Variants in ANKRD44 observed in about 807,000 individuals in gnomAD.
ANKRD44 encodes the protein ankyrin repeat domain 44, also known as serine/threonine-protein phosphatase 6 regulatory ankyrin repeat subunit B.
In ANKRD44, 35 loss-of-function variants were observed where a neutral mutation model predicts 116.0. That is an observed-to-expected ratio of 0.30 (90% CI 0.23 to 0.40). The LOEUF (loss-of-function observed/expected upper bound fraction) is 0.40. Among genes scored for constraint, ANKRD44 ranks in the 10% least tolerant of loss-of-function variants. The pLI, the probability that ANKRD44 is intolerant of heterozygous loss-of-function variation, is 1.00. For synonymous variants in ANKRD44, 435 were observed against 461.8 expected (o/e 0.94, Z 0.74); for missense variants, 1,014 against 1,242.6 (o/e 0.82, Z 2.77).
At chr2:197,167,103 C>G (rs547631193) in intron 2 of ANKRD44, among the ~76,000 whole-genome samples, 113 of 152,198 alleles carry the variant, frequency 7.4e-4, no homozygotes, top group Non-Finnish European at 1.4e-3. Flanking sequence ...TTGCACTGTG[C>G]TGAGAAAAAT....
intron 8 of ANKRD44, among the ~76,000 whole-genome samples, chr2:197,117,772 G>A (rs906937037): frequency 6.6e-6 from 1 of 152,068 alleles, no homozygotes; most frequent in East Asian, 1.9e-4. Context: ...CTTCAGTCCC[G>A]TTCCCCTGTT....
chr2:197,148,414 T>C (rs1574551302), intron 2 of ANKRD44, among the ~76,000 whole-genome samples: 3 of 152,364 alleles, frequency 2.0e-5, no homozygotes, highest in African/African-American at 7.2e-5. Flanking sequence ...CCATCTGCTA[T>C]GTCTTTAAGG....
At position 197,138,887 on chromosome 2, in the gene ANKRD44, A is replaced by T. The variant is rs186816945; in HGVS notation, c.191-2225T>A. ...TTTAAATTTTTTGTAAATTCAAAAA[A>T]TGAATGCAAGTAGAAACCCAAATGT... is the stretch of plus-strand genomic sequence containing the variant. On this transcript the variant is annotated intron_variant, in intron 3 of 27. Transcript: ENST00000282272. 2.5e-3 allele frequency among the ~76,000 whole-genome samples: 379 copies of T among 152,368 alleles called. 1 individual carries two copies. Among genetic ancestry groups the T allele is most frequent in the African/African-American group, 8.7e-3 (361 of 41,586 alleles).
At chr2:197,075,505 G>A (rs896749986) in intron 16 of ANKRD44, among the ~76,000 whole-genome samples, 4 of 152,060 alleles carry the variant, frequency 2.6e-5, no homozygotes, top group African/African-American at 9.7e-5. Context: ...CATGTTTGTG[G>A]GCAGATTTTT....
chr2:196,981,784 T>C (rs1223206769), downstream of ANKRD44, among the ~76,000 whole-genome samples: 1 of 151,698 alleles, frequency 6.6e-6, no homozygotes, highest in Non-Finnish European at 1.5e-5. Context: ...CATCTCAAAA[T>C]AATAATAATA....
intron 1 of ANKRD44, chr2:197,302,434 A>G (rs2083940021): frequency 6.6e-6 from 1 of 152,276 alleles, no homozygotes; most frequent in South Asian, 2.1e-4. Context: ...GTACTAGCAA[A>G]TAAGATGTAC....
At chr2:196,985,374 T>C (rs1398812507), downstream of ANKRD44, among the ~76,000 whole-genome samples, 1 of 152,152 alleles carries the variant, frequency 6.6e-6, no homozygotes, top group Non-Finnish European at 1.5e-5. Context: ...CAGCAATAGA[T>C]AACTAATATA....
intron 16 of ANKRD44, among the ~76,000 whole-genome samples, chr2:197,076,319 G>A (rs1456118411): frequency 6.6e-6 from 1 of 152,156 alleles, no homozygotes; most frequent in East Asian, 1.9e-4. Flanking sequence ...CAATGTGAAA[G>A]TCTTAGAAAT....
intron 16 of ANKRD44, chr2:197,028,813 T>C: frequency 9.3e-6 from 2 of 215,432 alleles, no homozygotes; most frequent in Non-Finnish European, 1.8e-5. Context: ...CACCAGAGGT[T>C]TCCTCTGCTT....
chr2:197,097,741 C>T (rs1482480573), intron 10 of ANKRD44, among the ~76,000 whole-genome samples: 1 of 152,202 alleles, frequency 6.6e-6, no homozygotes. Flanking sequence ...TATGTCTGGA[C>T]TGCTATCAGA....
chr2:197,304,042 AC>A (rs1464185004), intron 1 of ANKRD44, among the ~76,000 whole-genome samples: 1 of 152,208 alleles, frequency 6.6e-6, no homozygotes, highest in Non-Finnish European at 1.5e-5. Context: ...GTGGTGGCTT[AC>A]CCCTGTAATC....
intron 17 of ANKRD44, among the ~76,000 whole-genome samples, chr2:197,022,079 G>A (rs111541501): frequency 2.0e-5 from 3 of 152,326 alleles, no homozygotes; most frequent in African/African-American, 7.2e-5. Flanking sequence ...CAGGTTTCTT[G>A]TAGCAGTCAA....
Position 197,125,847 on chromosome 2 carries a change from C to T in ANKRD44, c.452G>A (p.Gly151Asp). 6.2e-7 allele frequency: 1 copy of T among 1,613,932 alleles called. No homozygotes were observed. The highest frequency in any genetic ancestry group is 8.5e-7 in the Non-Finnish European group (1 of 1,180,052). ...GATAAAAATACCCACCTCCACGTGG[C>T]CGTTCAGAGCCGCATGGTGCAAGGC... The part of the protein sequence containing the change: ...RTALHHAALN[G>D]HVEMVNLLLA... The change falls in exon 5 of 28, where the codon GGC becomes GAC. Residue 151 changes from glycine to aspartate, a missense_variant. By Grantham distance (94) the Gly-to-Asp change is moderately conservative. Transcript: ENST00000282272.
chr2:196,996,064 C>A (rs910552129), intron 25 of ANKRD44, among the ~76,000 whole-genome samples: 1 of 152,198 alleles, frequency 6.6e-6, no homozygotes, highest in Admixed American at 6.5e-5. Context: ...GTCAGAGACT[C>A]TTACAATTTC....
At chr2:196,971,604 T>C (rs2075716348) in intron 21 of ANKRD44, among the ~76,000 whole-genome samples, 2 of 152,208 alleles carry the variant, frequency 1.3e-5, no homozygotes, top group African/African-American at 4.8e-5. Flanking sequence ...TTTTTTCTAC[T>C]ACCAAAAAAT....
At chr2:197,304,199 G>A (rs984546617) in intron 1 of ANKRD44, among the ~76,000 whole-genome samples, 2 of 152,076 alleles carry the variant, frequency 1.3e-5, no homozygotes, top group Non-Finnish European at 1.5e-5. Context: ...CCAGCTACCC[G>A]GGAGTCTGAG....
At chr2:197,174,361 A>G (rs759544687) in intron 2 of ANKRD44, among the ~76,000 whole-genome samples, 1 of 152,236 alleles carries the variant, frequency 6.6e-6, no homozygotes, top group Non-Finnish European at 1.5e-5. Flanking sequence ...AAAAGCCTAC[A>G]AGGAATATCA....
chr2:197,060,586 A>C (rs2077290666), intron 16 of ANKRD44, among the ~76,000 whole-genome samples: 1 of 152,216 alleles, frequency 6.6e-6, no homozygotes, highest in Non-Finnish European at 1.5e-5. Context: ...AATACAATGC[A>C]GTATTATTAA....
At chr2:197,275,519 G>C (rs1415166858) in intron 1 of ANKRD44, among the ~76,000 whole-genome samples, 1 of 151,822 alleles carries the variant, frequency 6.6e-6, no homozygotes, top group Non-Finnish European at 1.5e-5. Context: ...TCAAAGACTG[G>C]TAGTTCATTC....
Sources: gnomAD v4.1 joint callset for allele counts (sites outside exome capture counted in the v4.1 genomes callset) on GRCh38, gnomAD v4.1.1 for gene constraint, MANE v1.5 for transcripts, NCBI Gene and HGNC (gene_info 2026-07-23, HGNC 2026-07-21) for gene names.